RBFOX1: variants seen among roughly 807,000 people sequenced by gnomAD.
The protein encoded by RBFOX1 is RNA binding fox-1 homolog 1.
A neutral mutation model predicts 57.7 loss-of-function variants in RBFOX1; 8 were observed. That is an observed-to-expected ratio of 0.14 (90% confidence interval 0.08 to 0.25). The LOEUF is 0.25. Ranked by LOEUF, RBFOX1 falls within the 10% of genes least tolerant of loss-of-function variation. The pLI, the probability that RBFOX1 is intolerant of heterozygous loss-of-function variation, is 1.00. For synonymous variants in RBFOX1, 326 were observed against 222.4 expected (o/e 1.47, Z -4.15); for missense variants, 611 against 548.5 (o/e 1.11, Z -1.14).
chr16:6,608,004 G>T (rs2097969647), intron 2 of RBFOX1, among the ~76,000 whole-genome samples: 1 of 152,148 alleles, frequency 6.6e-6, no homozygotes, highest in Admixed American at 6.5e-5. Flanking sequence ...GCTTTGGTAG[G>T]TGATACATCC....
chr16:7,690,099 G>C (rs1048018374), intron 14 of RBFOX1, among the ~76,000 whole-genome samples: 4 of 152,018 alleles, frequency 2.6e-5, no homozygotes, highest in Non-Finnish European at 5.9e-5. Context: ...CTGCCTTGGT[G>C]CCATAACACT....
rs893631556 is a variant in RBFOX1, at chr16:6,886,377, C to T, written c.-15-165680C>T. 5.3e-5 allele frequency among the ~76,000 whole-genome samples: 8 copies of T among 152,076 alleles called. No individual in the cohort carries two copies. In the East Asian group the frequency reaches 5.9e-4, roughly 11 times the overall value. On this transcript the variant is annotated intron_variant, in intron 3 of 15. Transcript: ENST00000550418. ...GCGCCCGGCCCAGTGAAGCACCTTA[C>T]GTGTGTGTCACCATTGAGAAGAAAG... is the stretch of plus-strand genomic sequence containing the variant.
At chr16:6,083,543 C>T (rs925638738) in intron 1 of RBFOX1, among the ~76,000 whole-genome samples, 7 of 152,122 alleles carry the variant, frequency 4.6e-5, no homozygotes, top group African/African-American at 7.2e-5. Flanking sequence ...GTGGCACAGT[C>T]ACAGCTCACT....
intron 2 of RBFOX1, among the ~76,000 whole-genome samples, chr16:6,538,849 T>G (rs2096771385): frequency 6.6e-6 from 1 of 152,176 alleles, no homozygotes; most frequent in South Asian, 2.1e-4. Flanking sequence ...CAATGTAAAA[T>G]GGTGCCAAAC....
intron 2 of RBFOX1, among the ~76,000 whole-genome samples, chr16:6,336,191 T>A (rs1195503530): frequency 1.9e-4 from 12 of 63,088 alleles, no homozygotes; most frequent in South Asian, 6.4e-4. Flanking sequence ...ATTTTTTTTT[T>A]TTTTTTTTTT....
At chr16:6,325,093 T>C (rs1369179402) in intron 2 of RBFOX1, among the ~76,000 whole-genome samples, 1 of 152,122 alleles carries the variant, frequency 6.6e-6, no homozygotes, top group Non-Finnish European at 1.5e-5. Context: ...TGGTGGCTCA[T>C]GCTTATAAGC....
Position 6,744,002 on chromosome 16 carries a change from G to A in RBFOX1, c.-16+89352G>A, listed in dbSNP as rs142334037. ...AATATATAAAGCAAGTGGTGTGTTCGCATGTTTAAATAAAGTGTATTTCTT... is the reference window on the plus strand; with the variant it reads ...AATATATAAAGCAAGTGGTGTGTTCACATGTTTAAATAAAGTGTATTTCTT... On this transcript the variant is annotated intron_variant, in intron 3 of 15. Coordinates refer to ENST00000550418, the MANE Select transcript of RBFOX1 (RefSeq NM_018723.4). 2.0e-3 allele frequency among the ~76,000 whole-genome samples: 299 copies of A among 151,642 alleles called. 4 individuals carry two copies. The highest frequency in any genetic ancestry group is 7.0e-3 in the African/African-American group (288 of 41,290).
chr16:7,643,149 C>T (rs932493460), intron 11 of RBFOX1, among the ~76,000 whole-genome samples: 5 of 152,184 alleles, frequency 3.3e-5, no homozygotes, highest in Admixed American at 1.3e-4. Context: ...CTACTGCCTT[C>T]GCTCAGAGAC....
chr16:6,999,116 G>A (rs1050124128), intron 3 of RBFOX1, among the ~76,000 whole-genome samples: 14 of 151,362 alleles, frequency 9.2e-5, no homozygotes, highest in South Asian at 6.2e-4. Context: ...TGATCCGCCC[G>A]CCTCTGCCTC....
intron 4 of RBFOX1, among the ~76,000 whole-genome samples, chr16:7,158,324 C>G (rs1423700056): frequency 6.6e-6 from 1 of 152,068 alleles, no homozygotes; most frequent in East Asian, 1.9e-4. Context: ...CTACCCTGGT[C>G]AACAAGAGTG....
intron 4 of RBFOX1, among the ~76,000 whole-genome samples, chr16:7,365,934 C>A (rs2097435485): frequency 6.6e-6 from 1 of 152,202 alleles, no homozygotes; most frequent in Non-Finnish European, 1.5e-5. Flanking sequence ...AAACTAGCTT[C>A]CTGCACATGG....
At position 6,055,804 on chromosome 16, in the gene RBFOX1, G is replaced by C. The variant is rs150951868; in HGVS notation, c.-127+35812G>C. ...GTACAGTAAAATAAATCTAATTTTA[G>C]TTTATTATAGAACACTTGGCAAACA... is the stretch of plus-strand genomic sequence containing the variant. On this transcript the variant is annotated intron_variant, in intron 1 of 15. Transcript: ENST00000550418. 9.9e-5 allele frequency among the ~76,000 whole-genome samples: 15 copies of C among 152,142 alleles called. 1 individual carries two copies. The highest frequency in any genetic ancestry group is 8.5e-4 in the Admixed American group (13 of 15,282).
chr16:7,460,389 A>ATATATATATGTG, intron 4 of RBFOX1, among the ~76,000 whole-genome samples: 76 of 87,204 alleles, frequency 8.7e-4, no homozygotes, highest in African/African-American at 3.1e-3. Context: ...ATATATATAT[A>ATATATATATGTG]TGTGTGTGTG....
At chr16:5,852,425 C>G (rs560965471) in intron 3 of RBFOX1, among the ~76,000 whole-genome samples, 2 of 152,178 alleles carry the variant, frequency 1.3e-5, no homozygotes, top group Admixed American at 6.5e-5. Context: ...ATGGGAGGCT[C>G]TGAATGTGGA....
At chr16:5,380,985 AT>A (rs907934278) in intron 1 of RBFOX1, among the ~76,000 whole-genome samples, 3 of 152,140 alleles carry the variant, frequency 2.0e-5, no homozygotes, top group East Asian at 1.9e-4. Context: ...AAAGATCTGG[AT>A]TTTTTTTATC....
chr16:7,261,640 T>A (rs1402210530), intron 4 of RBFOX1, among the ~76,000 whole-genome samples: 1 of 152,176 alleles, frequency 6.6e-6, no homozygotes. Flanking sequence ...CTCTGTAGGC[T>A]CTCTCCACTC....
chr16:7,341,825 TC>T (rs946778681), intron 4 of RBFOX1, among the ~76,000 whole-genome samples: 27 of 143,936 alleles, frequency 1.9e-4, no homozygotes, highest in Non-Finnish European at 3.2e-4. Flanking sequence ...CTTCCTTCCT[TC>T]CTTTTTGAGG....
intron 2 of RBFOX1, among the ~76,000 whole-genome samples, chr16:5,591,571 A>T (rs1332171198): frequency 6.6e-6 from 1 of 152,194 alleles, no homozygotes; most frequent in Admixed American, 6.5e-5. Context: ...CTTTTAAAAA[A>T]TATCAGTTTC....
chr16:5,733,234 A>C (rs960091376), intron 3 of RBFOX1, among the ~76,000 whole-genome samples: 1 of 152,198 alleles, frequency 6.6e-6, no homozygotes, highest in Non-Finnish European at 1.5e-5. Flanking sequence ...ACAGTTTCTA[A>C]ACTTTCACTT....
Sources: gnomAD v4.1 joint callset for allele counts (sites outside exome capture counted in the v4.1 genomes callset) on GRCh38, gnomAD v4.1.1 for gene constraint, MANE v1.5 for transcripts, NCBI Gene and HGNC (gene_info 2026-07-23, HGNC 2026-07-21) for gene names.